TTC4: variants seen among roughly 807,000 people sequenced by gnomAD.
The protein encoded by TTC4 is hsp70/Hsp90 co-chaperone CNS1 homolog.
In TTC4, 36 loss-of-function variants were observed where a neutral mutation model predicts 51.9. That is an observed-to-expected ratio of 0.69 (90% CI 0.53 to 0.92). The LOEUF is 0.92. Ranked by LOEUF, TTC4 falls within the 40% of genes least tolerant of loss-of-function variation. The pLI, the probability that TTC4 is intolerant of heterozygous loss-of-function variation, is 0.00. For synonymous variants in TTC4, 144 were observed against 164.2 expected (o/e 0.88, Z 0.94); for missense variants, 399 against 454.6 (o/e 0.88, Z 1.11).
intron 4 of TTC4, 79 bp downstream of exon 4, chr1:54,721,319 T>G: frequency 7.0e-7 from 1 of 1,438,140 alleles, no homozygotes; most frequent in Non-Finnish European, 9.6e-7. Flanking sequence ...TCATCTTATT[T>G]TTGCAGTCTG....
chr1:54,716,775 G>T lies in TTC4; in HGVS notation c.229+58G>T, dbSNP rs3737822. ...TTCCATTGAACTGAAATTAAGTGTG[G>T]GTTAGAAGCGTTCTGATTGATAACA... On this transcript the variant is annotated intron_variant, in intron 2 of 9. Transcript: ENST00000371281. 5 of 1,375,530 alleles carry T rather than the reference G, an allele frequency of 3.6e-6. No homozygotes were observed. In the Admixed American group the frequency reaches 9.6e-5, roughly 26 times the overall value. The allele number at this position is 1,375,530 out of a possible 1,614,324, so 85.2% of individuals were successfully genotyped here. A position where few individuals can be genotyped will look rare whatever the true frequency, so the allele number is the denominator to read the frequency against.
rs1297530784 is a variant in TTC4 at position 54,716,034 on chromosome 1, G to A, written c.111+15G>A. ...AGTGGGAGAAGGTGGGCGGTCCTGGGGTCTCCCCACGTGTGTAGGGGCGTC... is the reference window on the plus strand; with the variant it reads ...AGTGGGAGAAGGTGGGCGGTCCTGGAGTCTCCCCACGTGTGTAGGGGCGTC... On this transcript the variant is annotated intron_variant, in intron 1 of 9. Transcript: ENST00000371281. The A allele has an allele frequency of 6.4e-7, 1 of 1,564,528 alleles. No individual in the cohort carries two copies. Among genetic ancestry groups the A allele is most frequent in the South Asian group, 1.2e-5 (1 of 85,034 alleles).
At chr1:54,722,311 A>G (rs1161985012) in intron 4 of TTC4, among the ~76,000 whole-genome samples, 2 of 152,134 alleles carry the variant, frequency 1.3e-5, no homozygotes, top group Non-Finnish European at 2.9e-5. Flanking sequence ...CTGTTTGCAG[A>G]TGAGGAACCT....
intron 8 of TTC4, among the ~76,000 whole-genome samples, chr1:54,735,709 T>C (rs1293546074): frequency 6.6e-6 from 1 of 152,202 alleles, no homozygotes; most frequent in Non-Finnish European, 1.5e-5. Context: ...AAGTGTTTTA[T>C]AGGGAGATGC....
At chr1:54,731,095 C>A (rs1227514775) in intron 6 of TTC4, among the ~76,000 whole-genome samples, 3 of 152,158 alleles carry the variant, frequency 2.0e-5, no homozygotes, top group Non-Finnish European at 2.9e-5. Flanking sequence ...GACACAGGGT[C>A]CAGCACAAGA....
chr1:54,716,656 G>A lies in TTC4; in HGVS notation c.168G>A (p.Arg56=), dbSNP rs2101286716. The A allele has an allele frequency of 6.2e-7, 1 of 1,613,738 alleles. No individual in the cohort carries two copies. The change falls in exon 2 of 10, where the codon AGG becomes AGA. Residue 56 remains arginine (R), a synonymous_variant. Coordinates refer to ENST00000371281, the MANE Select transcript of TTC4 (RefSeq NM_004623.5). ...GAGCGCCATCAGAAATTGATCCCAG[G>A]GAGAATCCTGACTTGGCTTGTCTCC... ...MSRAPSEIDP[R]ENPDLACLQS...
At chr1:54,730,995 T>G (rs938100923) in intron 6 of TTC4, among the ~76,000 whole-genome samples, 3 of 152,190 alleles carry the variant, frequency 2.0e-5, no homozygotes, top group Non-Finnish European at 4.4e-5. Flanking sequence ...ACTCCACTTC[T>G]TACCTTATAT....
chr1:54,733,535 C>T, intron 7 of TTC4, 94 bp from the exon 8 acceptor site: 1 of 920,522 alleles, frequency 1.1e-6, no homozygotes, highest in Non-Finnish European at 1.6e-6. Flanking sequence ...ATGTTTTATA[C>T]ATTCTAGATA....
intron 6 of TTC4, among the ~76,000 whole-genome samples, chr1:54,730,844 G>A (rs1021987781): frequency 6.6e-6 from 1 of 150,788 alleles, no homozygotes; most frequent in East Asian, 1.9e-4. Context: ...GCTCGTTGGA[G>A]TGGAAGGCTC....
intron 3 of TTC4, 50 bp downstream of exon 3, chr1:54,717,703 T>A: frequency 6.9e-7 from 1 of 1,443,674 alleles, no homozygotes; most frequent in Non-Finnish European, 9.2e-7. Context: ...CAAGCCATTA[T>A]GATGGTTAGT....
Position 54,737,665 on chromosome 1 carries a change from G to C in TTC4, c.1061+1G>C. The C allele has an allele frequency of 6.2e-7, 1 of 1,612,300 alleles. No homozygotes were observed. The highest frequency in any genetic ancestry group is 8.5e-7 in the Non-Finnish European group (1 of 1,179,918). Reference sequence around the variant, plus strand: ...TGCTACAGGTTCTACAGCACCAGAGGTGAGTCATCTCATGGCGCTGAGTAG... The same window carrying C: ...TGCTACAGGTTCTACAGCACCAGAGCTGAGTCATCTCATGGCGCTGAGTAG... On this transcript the variant is annotated splice_donor_variant, in intron 9 of 9. Coordinates refer to ENST00000371281, the MANE Select transcript of TTC4 (RefSeq NM_004623.5). LOFTEE classifies it high-confidence loss of function.
chr1:54,728,421 C>CA lies in TTC4; in HGVS notation c.671dup (p.Ala225GlyfsTer5). The stretch of plus-strand genomic sequence containing the variant: ...GAGGAATCAGAATGAGGCTTTACTC[C>CA]AGGCCATCAAGGTGAGTTCTTAAAC... On this transcript the variant is annotated frameshift_variant, in exon 6 of 10. Coordinates refer to ENST00000371281, the MANE Select transcript of TTC4 (RefSeq NM_004623.5). LOFTEE classifies it high-confidence loss of function. The CA allele has an allele frequency of 6.2e-7, 1 of 1,612,380 alleles. No individual in the cohort carries two copies. Among genetic ancestry groups the CA allele is most frequent in the South Asian group, 1.1e-5 (1 of 90,898 alleles).
chr1:54,733,742 A>C, intron 8 of TTC4, 32 bp downstream of exon 8: 1 of 1,196,064 alleles, frequency 8.4e-7, no homozygotes, highest in Non-Finnish European at 1.2e-6. Context: ...TCCTCTATGG[A>C]ATTAATTTTT....
At chr1:54,737,037 A>G (rs1019556096) in intron 8 of TTC4, 10 of 153,532 alleles carry the variant, frequency 6.5e-5, no homozygotes, top group African/African-American at 2.4e-4. Context: ...TTGGACAGCC[A>G]TCTTACAAGG....
chr1:54,737,633 A>G lies in TTC4; in HGVS notation c.1030A>G (p.Ser344Gly). Reference protein sequence around the residue: ...RAELYRVPAKSTLLQVLQHQR... With the variant: ...RAELYRVPAKGTLLQVLQHQR... ...AGAACTATACCGGGTGCCTGCCAAG[A>G]GCACCTTGCTACAGGTTCTACAGCA... Residue 344 changes from serine to glycine, a missense_variant, in exon 9 of 10, where the codon AGC (serine) becomes GGC (glycine). Ser to Gly is a moderately conservative substitution (Grantham distance 56). Transcript: ENST00000371281. The G allele has an allele frequency of 6.2e-7, 1 of 1,613,238 alleles. No homozygotes were observed. The highest frequency in any genetic ancestry group is 8.5e-7 in the Non-Finnish European group (1 of 1,180,020).
chr1:54,727,256 G>A (rs1446684554), intron 5 of TTC4, among the ~76,000 whole-genome samples: 1 of 152,048 alleles, frequency 6.6e-6, no homozygotes, highest in Non-Finnish European at 1.5e-5. Context: ...CATTCAATAG[G>A]GAGGTAATCT....
intron 6 of TTC4, among the ~76,000 whole-genome samples, chr1:54,731,145 G>A (rs1472640493): frequency 3.3e-5 from 5 of 152,144 alleles, no homozygotes; most frequent in African/African-American, 1.2e-4. Context: ...TACCTACTAT[G>A]TGCCAGGCCT....
Position 54,717,469 on chromosome 1 carries a change from A to G in TTC4, c.230-23A>G, listed in dbSNP as rs376614062. 73 of 1,483,360 alleles carry G rather than the reference A, an allele frequency of 4.9e-5. 1 individual carries two copies. The highest frequency in any genetic ancestry group is 9.9e-5 in the African/African-American group (7 of 70,360). 91.9% of individuals were successfully genotyped at this position (1,483,360 alleles called of 1,614,324 possible). ...GCCTTTTAAAAAGTAAGCAATAGTG[A>G]TTATTTTTCCTCTTCTTTGCAGAAC... On this transcript the variant is annotated intron_variant, in intron 2 of 9. Coordinates refer to ENST00000371281, the MANE Select transcript of TTC4 (RefSeq NM_004623.5).
chr1:54,730,283 T>TTC (rs1180204575), intron 6 of TTC4, among the ~76,000 whole-genome samples: 1 of 150,282 alleles, frequency 6.7e-6, no homozygotes, highest in East Asian at 1.9e-4. Flanking sequence ...ATAAATCCTT[T>TTC]TTTTTTTTTT....
Sources: allele counts gnomAD v4.1 joint callset (sites outside exome capture counted in the v4.1 genomes callset), GRCh38; gene constraint gnomAD v4.1.1; transcripts MANE v1.5; gene names NCBI Gene and HGNC (gene_info 2026-07-23, HGNC 2026-07-21).